Variants in ACAA1 observed in about 807,000 individuals in gnomAD.
ACAA1 encodes 3-ketoacyl-CoA thiolase, peroxisomal.
In ACAA1, 44 loss-of-function variants were observed where a neutral mutation model predicts 48.8. The ratio of observed to expected loss-of-function variants is 0.90; its 90% confidence interval spans 0.71 to 1.16. The LOEUF (loss-of-function observed/expected upper bound fraction) is 1.16, where lower values mean the gene tolerates loss of function less well. Among genes scored for constraint, ACAA1 ranks in the 50% most tolerant of loss-of-function variants. The probability of loss-of-function intolerance (pLI) is 0.00; values close to 1 mark genes in which losing one functional copy is unlikely to be tolerated. For missense variants in ACAA1, 512 were observed against 562.3 expected (o/e 0.91, Z 0.90); for synonymous variants, 233 against 226.5 (o/e 1.03, Z -0.26).
At position 38,126,349 on chromosome 3, in the gene ACAA1, C is replaced by A. The variant is rs1400825009; in HGVS notation, c.818-8G>T. ...TCACCTGGCTAGAGTTTCCTAGGGG[C>A]AAACTGTTGGGGTAAGAAGGCATCG... On this transcript the variant is annotated splice_region_variant and splice_polypyrimidine_tract_variant and intron_variant, in intron 8 of 11. Coordinates refer to ENST00000333167, the MANE Select transcript of ACAA1 (RefSeq NM_001607.4). This position sits in a 1 kb window ranked among gnomAD's most constrained non-coding sequence, Gnocchi z 4.7. 1.1e-5 allele frequency: 17 copies of A among 1,612,854 alleles called. No individual in the cohort carries two copies. The highest frequency in any genetic ancestry group is 1.4e-5 in the Non-Finnish European group (17 of 1,179,282).
intron 11 of ACAA1, 156 bp from the exon 12 acceptor site, chr3:38,123,278 C>A: frequency 3.0e-6 from 2 of 668,636 alleles, no homozygotes; most frequent in South Asian, 1.7e-5. Flanking sequence ...TGGGCACACA[C>A]ACGGTGACAG....
intron 3 of ACAA1, 114 bp from the exon 4 acceptor site, chr3:38,132,119 C>A: frequency 1.1e-6 from 1 of 877,322 alleles, no homozygotes; most frequent in South Asian, 1.5e-5. Context: ...GGCAGGGGAA[C>A]AAACCCAGCA....
At position 38,131,958 on chromosome 3, in the gene ACAA1, G is replaced by T; in HGVS notation, c.371C>A (p.Ser124Ter). ...GCTGGCCACTGCCTGTAGCCCCGAC[G>T]AACACTGTCTATTGACAGTGGACAA... is the stretch of plus-strand genomic sequence containing the variant. ...VPLSTVNRQC[S>*]SGLQAVASIA... The change falls in exon 4 of 12, where the codon TCG (serine) becomes TAG (stop). Residue 124 changes from serine to a stop codon, truncating the protein, a stop_gained. Coordinates refer to ENST00000333167, the MANE Select transcript of ACAA1 (RefSeq NM_001607.4). LOFTEE classifies it high-confidence loss of function. 1 of 1,613,966 alleles carries T rather than the reference G, an allele frequency of 6.2e-7. No homozygotes were observed. The highest frequency in any genetic ancestry group is 1.1e-5 in the South Asian group (1 of 90,986).
Position 38,129,556 on chromosome 3 carries a change from C to T in ACAA1, c.447-168G>A, listed in dbSNP as rs186098045. ...GGGCACTTGGCCAGCAAGGCCCAGCCACGAGTACTGAGCCCTGTCTCTATT... is the reference window on the plus strand; with the variant it reads ...GGGCACTTGGCCAGCAAGGCCCAGCTACGAGTACTGAGCCCTGTCTCTATT... On this transcript the variant is annotated intron_variant, in intron 5 of 11. Coordinates refer to ENST00000333167, the MANE Select transcript of ACAA1 (RefSeq NM_001607.4). This position sits in a 1 kb window ranked among gnomAD's most constrained non-coding sequence, Gnocchi z 5.3. 6.6e-6 allele frequency among the ~76,000 whole-genome samples: 1 copy of T among 152,328 alleles called. No homozygotes were observed. Among genetic ancestry groups the T allele is most frequent in the Non-Finnish European group, 1.5e-5 (1 of 68,026 alleles).
chr3:38,135,528 A>G (rs1700872771), intron 2 of ACAA1, among the ~76,000 whole-genome samples: 1 of 152,154 alleles, frequency 6.6e-6, no homozygotes, highest in East Asian at 1.9e-4. Flanking sequence ...ACTCAGTGTC[A>G]TAAGTAAGTT....
At chr3:38,125,431 A>G (rs1006734694) in intron 11 of ACAA1, 134 bp downstream of exon 11, 2 of 1,144,016 alleles carry the variant, frequency 1.7e-6, no homozygotes, top group Non-Finnish European at 2.4e-6. Flanking sequence ...GGATTTCAAC[A>G]TTTGGGATTA....
chr3:38,127,492 C>A, intron 7 of ACAA1: 1 of 463,026 alleles, frequency 2.2e-6, no homozygotes, highest in African/African-American at 2.0e-5. Flanking sequence ...TGGCCCCACA[C>A]TCCAGGCTAC....
At chr3:38,133,731 C>A (rs1293036979) in intron 3 of ACAA1, 2 of 566,928 alleles carry the variant, frequency 3.5e-6, no homozygotes, top group Non-Finnish European at 6.4e-6. Context: ...AATCAAGCTA[C>A]AGAGAACTTC....
intron 7 of ACAA1, 27 bp downstream of exon 7, chr3:38,127,759 A>C: frequency 6.2e-7 from 1 of 1,610,576 alleles, no homozygotes; most frequent in East Asian, 2.2e-5. Context: ...CCAGCCCTTT[A>C]AACATTCCTC....
At chr3:38,123,213 G>C (rs1021195217) in intron 11 of ACAA1, 91 bp from the exon 12 acceptor site, 9 of 1,292,456 alleles carry the variant, frequency 7.0e-6, no homozygotes, top group Non-Finnish European at 1.0e-5. Context: ...TGGACAAGTA[G>C]GATGCAAAAC....
Position 38,136,651 on chromosome 3 carries a change from A to C in ACAA1, c.206T>G (p.Met69Arg), listed in dbSNP as rs777940485. 3 of 1,613,952 alleles carry C rather than the reference A, an allele frequency of 1.9e-6. No individual in the cohort carries two copies. The highest frequency in any genetic ancestry group is 2.5e-6 in the Non-Finnish European group (3 of 1,179,924). ...ATTCACGTCCTTGAGAACCGCGGTC[A>C]TGACTGCCGAGAGAAGCTCGTCGGG... is the stretch of plus-strand genomic sequence containing the variant. The part of the protein sequence containing the change: ...TTPDELLSAV[M>R]TAVLKDVNLR... The change falls in exon 2 of 12, where the codon ATG becomes AGG. Residue 69 changes from methionine (M) to arginine (R), a missense_variant. Coordinates refer to ENST00000333167, the MANE Select transcript of ACAA1 (RefSeq NM_001607.4).
intron 2 of ACAA1, 100 bp from the exon 3 acceptor site, chr3:38,134,109 G>A (rs1156620288): frequency 9.9e-6 from 12 of 1,208,746 alleles, no homozygotes; most frequent in East Asian, 2.4e-5. Context: ...ATCTTTCTTC[G>A]GGACACTAGC....
At chr3:38,128,275 G>C (rs1239703013) in intron 6 of ACAA1, among the ~76,000 whole-genome samples, 10 of 152,204 alleles carry the variant, frequency 6.6e-5, no homozygotes, top group Admixed American at 6.5e-4. Flanking sequence ...ATGCCTCAAG[G>C]AAGACTGCTG....
intron 2 of ACAA1, chr3:38,134,270 A>C (rs1247459522): frequency 1.8e-6 from 1 of 555,662 alleles, no homozygotes; most frequent in East Asian, 3.1e-5. Context: ...AAATCAGCAC[A>C]GATGGGCAGG....
intron 2 of ACAA1, chr3:38,134,270 A>G: frequency 3.6e-6 from 2 of 555,780 alleles, no homozygotes; most frequent in Non-Finnish European, 6.4e-6. Context: ...AAATCAGCAC[A>G]GATGGGCAGG....
chr3:38,132,277 GC>G, intron 3 of ACAA1: 1 of 227,960 alleles, frequency 4.4e-6, no homozygotes, highest in Non-Finnish European at 8.9e-6. Flanking sequence ...ACCAAGCACA[GC>G]CCAAAGGCAA....
At chr3:38,133,633 T>C in intron 3 of ACAA1, 1 of 359,256 alleles carries the variant, frequency 2.8e-6, no homozygotes, top group Non-Finnish European at 5.1e-6. Flanking sequence ...AAAGTCACTT[T>C]TCAGCATTCT....
intron 1 of ACAA1, 80 bp from the exon 2 acceptor site, chr3:38,136,765 C>A (rs1700907846): frequency 4.7e-6 from 7 of 1,493,948 alleles, no homozygotes; most frequent in Non-Finnish European, 6.2e-6. Context: ...CAGCTGGGTG[C>A]GGAGCTGCCT....
At position 38,129,319 on chromosome 3, in the gene ACAA1, C is replaced by A. The variant is rs156265; in HGVS notation, c.516G>T (p.Glu172Asp). 3.1e-6 allele frequency: 5 copies of A among 1,613,890 alleles called. No homozygotes were observed. Among genetic ancestry groups the A allele is most frequent in the Admixed American group, 1.7e-5 (1 of 59,996 alleles). Residue 172 changes from glutamate to aspartate, a missense_variant, in exon 6 of 12, where the codon GAG (glutamate) becomes GAT (aspartate). By Grantham distance (45) the Glu-to-Asp change is conservative. Transcript: ENST00000333167. This position sits in a 1 kb window ranked among gnomAD's most constrained non-coding sequence, Gnocchi z 5.3. ...TAGGAATCAGGCAATCTCTGGCCTT[C>A]TCCTTCTCCATCAAGCGCGAAGTAA... ...GNITSRLMEK[E>D]KARDCLIPMG...
Sources: allele counts gnomAD v4.1 joint callset (sites outside exome capture counted in the v4.1 genomes callset), GRCh38; gene constraint gnomAD v4.1.1; non-coding constraint Gnocchi (gnomAD v3.1); transcripts MANE v1.5; gene names NCBI Gene and HGNC (gene_info 2026-07-23, HGNC 2026-07-21).